DAAM1: variants seen among roughly 807,000 people sequenced by gnomAD.
DAAM1 encodes dishevelled associated activator of morphogenesis 1.
A neutral mutation model predicts 130.0 loss-of-function variants in DAAM1; 52 were observed. The ratio of observed to expected loss-of-function variants is 0.40; its 90% CI spans 0.32 to 0.50. DAAM1 has a LOEUF of 0.50. Ranked by LOEUF, DAAM1 falls within the 20% of genes least tolerant of loss-of-function variation. The probability of loss-of-function intolerance (pLI) is 0.61; values close to 1 mark genes in which losing one functional copy is unlikely to be tolerated. For missense variants in DAAM1, 1,134 were observed against 1,303.8 expected (o/e 0.87, Z 2.01); for synonymous variants, 452 against 444.5 (o/e 1.02, Z -0.21).
chr14:59,314,363 A>G (rs909254428), intron 3 of DAAM1, among the ~76,000 whole-genome samples: 1 of 152,218 alleles, frequency 6.6e-6, no homozygotes, highest in African/African-American at 2.4e-5. Context: ...GGTCTGTTTG[A>G]TCACACAAGT....
At chr14:59,345,495 TC>T (rs777574603) in intron 16 of DAAM1, among the ~76,000 whole-genome samples, 11 of 152,228 alleles carry the variant, frequency 7.2e-5, no homozygotes, top group Non-Finnish European at 1.6e-4. Flanking sequence ...CCAAATTTTT[TC>T]CTTCTCTTCC....
intron 1 of DAAM1, among the ~76,000 whole-genome samples, chr14:59,226,642 T>G (rs1479235666): frequency 6.6e-6 from 1 of 152,130 alleles, no homozygotes; most frequent in Non-Finnish European, 1.5e-5. Flanking sequence ...AACAACAGAT[T>G]TCAGTAGGAT....
Position 59,336,281 on chromosome 14 carries a change from C to T in DAAM1, c.1969-3793C>T, listed in dbSNP as rs142601338. On this transcript the variant is annotated intron_variant, in intron 15 of 24. Coordinates refer to ENST00000360909, the MANE Select transcript of DAAM1 (RefSeq NM_001270520.2). ...CTATCAGCACTGCTTCCTGAAAATG[C>T]AAGTCCCAACTTCCTATTTATACTC... Among the ~76,000 whole-genome samples the T allele has an allele frequency of 2.2e-4, 34 of 152,272 alleles. No individual in the cohort carries two copies. In the East Asian group the frequency reaches 6.4e-3, roughly 29 times the overall value.
chr14:59,206,652 G>C (rs1888272534), intron 1 of DAAM1, among the ~76,000 whole-genome samples: 1 of 152,198 alleles, frequency 6.6e-6, no homozygotes, highest in African/African-American at 2.4e-5. Flanking sequence ...AAAAAGATTA[G>C]AGTTTCTAGA....
intron 1 of DAAM1, among the ~76,000 whole-genome samples, chr14:59,206,570 C>T (rs1452918209): frequency 1.3e-5 from 2 of 152,222 alleles, no homozygotes; most frequent in African/African-American, 2.4e-5. Flanking sequence ...CCACTGAGCC[C>T]GGCCAGATAT....
intron 15 of DAAM1, among the ~76,000 whole-genome samples, chr14:59,336,103 A>C (rs577791959): frequency 5.9e-5 from 9 of 152,016 alleles, no homozygotes; most frequent in African/African-American, 2.2e-4. Flanking sequence ...GGGGTTTTAT[A>C]TAAATATAGT....
intron 16 of DAAM1, among the ~76,000 whole-genome samples, chr14:59,344,804 A>G (rs981038621): frequency 6.6e-6 from 1 of 152,138 alleles, no homozygotes; most frequent in Non-Finnish European, 1.5e-5. Flanking sequence ...CCATATGGGG[A>G]GCTAATGAAA....
chr14:59,214,371 G>GTGCTTCTTTCTTCCT, intron 1 of DAAM1, among the ~76,000 whole-genome samples: 1 of 152,344 alleles, frequency 6.6e-6, no homozygotes, highest in Middle Eastern at 3.4e-3. Context: ...GACCCCTGAC[G>GTGCTTCTTTCTTCCT]TGCTTCTTTC....
intron 16 of DAAM1, among the ~76,000 whole-genome samples, chr14:59,343,219 GTGTT>G (rs1430752558): frequency 1.3e-5 from 2 of 152,174 alleles, no homozygotes; most frequent in Admixed American, 6.5e-5. Context: ...AGGACACTGT[GTGTT>G]TGTTTAATAA....
chr14:59,190,124 G>A (rs1336366478), intron 1 of DAAM1, among the ~76,000 whole-genome samples: 1 of 152,036 alleles, frequency 6.6e-6, no homozygotes, highest in Non-Finnish European at 1.5e-5. Flanking sequence ...AGTGGCTAGT[G>A]GGTGTGGTCA....
At chr14:59,198,687 A>T (rs1301400782) in intron 1 of DAAM1, among the ~76,000 whole-genome samples, 2 of 152,224 alleles carry the variant, frequency 1.3e-5, no homozygotes, top group African/African-American at 4.8e-5. Context: ...AAGGAGGATA[A>T]TGCTGAGTAA....
intron 16 of DAAM1, 69 bp from the exon 17 acceptor site, chr14:59,347,470 G>A: frequency 1.4e-6 from 2 of 1,433,196 alleles, no homozygotes; most frequent in South Asian, 1.2e-5. Flanking sequence ...AGCTGGGGTA[G>A]CAAAGTGAAT....
intron 4 of DAAM1, among the ~76,000 whole-genome samples, chr14:59,319,273 G>C (rs182868659): frequency 6.6e-6 from 1 of 151,758 alleles, no homozygotes; most frequent in African/African-American, 2.4e-5. Flanking sequence ...AAAACTACTG[G>C]GTTTTATTTC....
intron 17 of DAAM1, 125 bp downstream of exon 17, chr14:59,347,748 C>G: frequency 4.6e-6 from 4 of 865,878 alleles, no homozygotes; most frequent in Middle Eastern, 2.2e-4. Context: ...GAGGCTGAAC[C>G]AAGTTCCCAT....
chr14:59,334,201 A>T (rs1885541617), intron 15 of DAAM1, among the ~76,000 whole-genome samples: 1 of 152,222 alleles, frequency 6.6e-6, no homozygotes, highest in Non-Finnish European at 1.5e-5. Context: ...TTTTATTGAA[A>T]TTACTGAATT....
chr14:59,242,445 C>A (rs912825092), intron 1 of DAAM1, among the ~76,000 whole-genome samples: 5 of 152,200 alleles, frequency 3.3e-5, no homozygotes, highest in Non-Finnish European at 2.9e-5. Flanking sequence ...TCAAGTCACT[C>A]CATCCCCTGG....
chr14:59,241,008 T>C (rs1321309053), intron 1 of DAAM1, among the ~76,000 whole-genome samples: 1 of 152,226 alleles, frequency 6.6e-6, no homozygotes, highest in Non-Finnish European at 1.5e-5. Flanking sequence ...CTGTAATATT[T>C]TACTGTGTGT....
chr14:59,192,693 T>C (rs1424572291), intron 1 of DAAM1, among the ~76,000 whole-genome samples: 1 of 152,356 alleles, frequency 6.6e-6, no homozygotes, highest in African/African-American at 2.4e-5. Context: ...AACTTGGTAA[T>C]AGAGGTAATA....
At chr14:59,290,552 G>A (rs1883700145) in intron 2 of DAAM1, among the ~76,000 whole-genome samples, 1 of 152,184 alleles carries the variant, frequency 6.6e-6, no homozygotes, top group Non-Finnish European at 1.5e-5. Context: ...ATCAGTTAGT[G>A]TTTATGCAAT....
Sources: gnomAD v4.1 joint callset for allele counts (sites outside exome capture counted in the v4.1 genomes callset) on GRCh38, gnomAD v4.1.1 for gene constraint, MANE v1.5 for transcripts, NCBI Gene and HGNC (gene_info 2026-07-23, HGNC 2026-07-21) for gene names.